CTNND2: variants seen among roughly 807,000 people sequenced by gnomAD.
CTNND2 encodes catenin delta 2, also known as catenin delta-2.
A neutral mutation model predicts 144.4 loss-of-function variants in CTNND2; 22 were observed. The ratio of observed to expected loss-of-function variants is 0.15; its 90% CI spans 0.11 to 0.22. CTNND2 has a LOEUF of 0.22. Among genes scored for constraint, CTNND2 ranks in the 10% least tolerant of loss-of-function variants. The pLI, the probability that CTNND2 is intolerant of heterozygous loss-of-function variation, is 1.00. For missense variants in CTNND2, 1,353 were observed against 1,618.8 expected (o/e 0.84, Z 2.82); for synonymous variants, 751 against 695.6 (o/e 1.08, Z -1.25).
chr5:11,332,622 C>T (rs76747116), intron 9 of CTNND2, among the ~76,000 whole-genome samples: 192 of 152,196 alleles, frequency 1.3e-3, no homozygotes, highest in African/African-American at 4.2e-3. Context: ...AATTCTATAC[C>T]CATTACACAC....
chr5:11,825,366 AAGG>A (rs1291000464), intron 1 of CTNND2, among the ~76,000 whole-genome samples: 4 of 152,304 alleles, frequency 2.6e-5, no homozygotes, highest in East Asian at 1.9e-4. Context: ...GAGCTGAAAA[AAGG>A]AGGAGTGAAT....
rs73052517 is a variant in CTNND2 at position 11,863,379 on chromosome 5, T to C, written c.37+40438A>G. Among the ~76,000 whole-genome samples the C allele has an allele frequency of 8.2e-3, 1,255 of 152,270 alleles. 16 individuals are homozygous for C. Among genetic ancestry groups the C allele is most frequent in the African/African-American group, 0.023 (976 of 41,554 alleles). On this transcript the variant is annotated intron_variant, in intron 1 of 21. Coordinates refer to ENST00000304623, the MANE Select transcript of CTNND2 (RefSeq NM_001332.4). ...ATAAATCAAATTATGGGGCCAGATATATCACACCAGGACCTCATGCACAAT... is the reference window on the plus strand; with the variant it reads ...ATAAATCAAATTATGGGGCCAGATACATCACACCAGGACCTCATGCACAAT...
At chr5:11,258,439 C>T (rs138774778) in intron 9 of CTNND2, among the ~76,000 whole-genome samples, 58 of 152,328 alleles carry the variant, frequency 3.8e-4, no homozygotes, top group Non-Finnish European at 7.3e-4. Context: ...TGCTCAGGCA[C>T]CAATCCGTTC....
chr5:11,489,720 T>C (rs574186938), intron 3 of CTNND2, among the ~76,000 whole-genome samples: 5 of 152,336 alleles, frequency 3.3e-5, no homozygotes, highest in African/African-American at 4.8e-5. Context: ...AAATTTATTC[T>C]CCATACTTGC....
intron 2 of CTNND2, among the ~76,000 whole-genome samples, chr5:11,640,436 C>T (rs140700757): frequency 8.5e-5 from 13 of 152,326 alleles, no homozygotes; most frequent in African/African-American, 2.9e-4. Flanking sequence ...TTGCCACACA[C>T]TGGGTACAAA....
intron 3 of CTNND2, among the ~76,000 whole-genome samples, chr5:11,467,761 C>T (rs182663953): frequency 1.1e-4 from 17 of 152,274 alleles, no homozygotes; most frequent in Non-Finnish European, 1.5e-5. Context: ...AAAAATGAAT[C>T]CTAACCACTT....
At chr5:11,134,388 G>A (rs545860722) in intron 12 of CTNND2, among the ~76,000 whole-genome samples, 1 of 152,292 alleles carries the variant, frequency 6.6e-6, no homozygotes, top group African/African-American at 2.4e-5. Flanking sequence ...TCAGACTCGA[G>A]AGGCTCCAAA....
chr5:11,641,840 G>A (rs1782070350), intron 2 of CTNND2, among the ~76,000 whole-genome samples: 2 of 149,894 alleles, frequency 1.3e-5, no homozygotes, highest in Admixed American at 6.6e-5. Flanking sequence ...GTGTATGTAT[G>A]TATGTATATA....
At chr5:11,400,157 C>A (rs1015625178) in intron 5 of CTNND2, among the ~76,000 whole-genome samples, 2 of 151,872 alleles carry the variant, frequency 1.3e-5, no homozygotes, top group African/African-American at 4.8e-5. Context: ...TTTAATCAAG[C>A]CTTGCTTGGG....
chr5:11,647,690 AC>A (rs1194266024), intron 2 of CTNND2, among the ~76,000 whole-genome samples: 1 of 152,026 alleles, frequency 6.6e-6, no homozygotes. Flanking sequence ...CTGTCTGATA[AC>A]CATTGGCGAC....
intron 8 of CTNND2, among the ~76,000 whole-genome samples, chr5:11,356,695 AT>A (rs1166579319): frequency 1.3e-5 from 2 of 152,032 alleles, no homozygotes; most frequent in South Asian, 4.1e-4. Context: ...AAATAGACGA[AT>A]TAATACTAAT....
At chr5:11,879,011 C>T (rs891517806) in intron 1 of CTNND2, among the ~76,000 whole-genome samples, 4 of 152,242 alleles carry the variant, frequency 2.6e-5, no homozygotes, top group Non-Finnish European at 5.9e-5. Flanking sequence ...CAGCTCCAGC[C>T]GCCCCACATG....
At chr5:11,277,260 T>C (rs866187594) in intron 9 of CTNND2, among the ~76,000 whole-genome samples, 25 of 152,178 alleles carry the variant, frequency 1.6e-4, no homozygotes, top group Admixed American at 7.9e-4. Context: ...AAATGTAAGC[T>C]TTTGAAACTC....
chr5:11,779,827 T>C (rs1335292620), intron 1 of CTNND2, among the ~76,000 whole-genome samples: 3 of 152,196 alleles, frequency 2.0e-5, no homozygotes, highest in Non-Finnish European at 2.9e-5. Context: ...TGAAACAGTA[T>C]CATTTAGCAA....
At chr5:11,223,410 T>G (rs2149870668) in intron 10 of CTNND2, among the ~76,000 whole-genome samples, 1 of 152,250 alleles carries the variant, frequency 6.6e-6, no homozygotes, top group East Asian at 1.9e-4. Context: ...AAGATGCCAG[T>G]TTTCCTTTCT....
intron 3 of CTNND2, among the ~76,000 whole-genome samples, chr5:11,453,223 T>A (rs1395748542): frequency 2.0e-5 from 3 of 152,196 alleles, no homozygotes; most frequent in Non-Finnish European, 4.4e-5. Flanking sequence ...GACACAACTA[T>A]TCTATTAATA....
At chr5:11,363,533 C>T (rs1423493) in intron 8 of CTNND2, among the ~76,000 whole-genome samples, 84,190 of 151,936 alleles carry the variant, frequency 0.55, 23,764 homozygotes, top group Admixed American at 0.63. Flanking sequence ...GACAGAAGAA[C>T]AAATAGGCAT....
intron 7 of CTNND2, among the ~76,000 whole-genome samples, chr5:11,379,971 C>T (rs1181761633): frequency 6.6e-6 from 1 of 152,186 alleles, no homozygotes; most frequent in Non-Finnish European, 1.5e-5. Flanking sequence ...CCCTGCCTCC[C>T]TGCACCCCAC....
chr5:11,685,052 A>C (rs1397011481), intron 2 of CTNND2, among the ~76,000 whole-genome samples: 1 of 152,212 alleles, frequency 6.6e-6, no homozygotes, highest in Non-Finnish European at 1.5e-5. Context: ...TAAAAGGGCT[A>C]TTTTGTCATC....
Sources: gnomAD v4.1 joint callset for allele counts (sites outside exome capture counted in the v4.1 genomes callset) on GRCh38, gnomAD v4.1.1 for gene constraint, MANE v1.5 for transcripts, NCBI Gene and HGNC (gene_info 2026-07-23, HGNC 2026-07-21) for gene names.